Variants in ZNF92 observed in about 807,000 individuals in gnomAD.
ZNF92 encodes the protein zinc finger protein 92.
A neutral mutation model predicts 12.4 loss-of-function variants in ZNF92; 11 were observed. That is an observed-to-expected ratio of 0.89 (90% CI 0.56 to 1.47). ZNF92 has a LOEUF of 1.47. Among genes scored for constraint, ZNF92 ranks in the 40% most tolerant of loss-of-function variants. ZNF92 has a pLI of 0.00. For synonymous variants in ZNF92, 206 were observed against 228.6 expected, an observed-to-expected ratio of 0.90 and a Z score of 0.89; for missense variants, 622 against 681.0, an observed-to-expected ratio of 0.91 and a Z score of 0.96.
At chr7:65,393,244 T>C (rs1262731456) in intron 3 of ZNF92, among the ~76,000 whole-genome samples, 3 of 152,144 alleles carry the variant, frequency 2.0e-5, no homozygotes, top group Non-Finnish European at 2.9e-5. Context: ...TTAAGATATC[T>C]CATATAAGTG....
rs879163037 is a variant in ZNF92 at position 65,398,909 on chromosome 7, T to C, written c.795T>C (p.Ala265=). ...ACAAATGTGAAGAATGTGGCAAAGC[T>C]TTTAACCGGTCCTCAACCCTTACTA... ...KPYKCEECGK[A]FNRSSTLTKH... is the part of the protein sequence containing the mutation. The change falls in exon 4 of 4, where the codon GCT becomes GCC. Residue 265 remains alanine, a synonymous_variant. Transcript: ENST00000328747. 12 of 1,604,924 alleles carry C rather than the reference T, an allele frequency of 7.5e-6. No individual in the cohort carries two copies. Among genetic ancestry groups the C allele is most frequent in the Admixed American group, 3.4e-5 (2 of 59,084 alleles).
At chr7:65,394,937 T>C (rs1234586507) in intron 3 of ZNF92, among the ~76,000 whole-genome samples, 4 of 152,156 alleles carry the variant, frequency 2.6e-5, no homozygotes, top group African/African-American at 9.7e-5. Context: ...TGAGCCACTG[T>C]GCCTGGCCCA....
intron 3 of ZNF92, among the ~76,000 whole-genome samples, chr7:65,391,489 A>C (rs946749558): frequency 6.6e-6 from 1 of 152,150 alleles, no homozygotes; most frequent in Non-Finnish European, 1.5e-5. Flanking sequence ...TTACTAAAAT[A>C]GTTACTTATA....
intron 1 of ZNF92, among the ~76,000 whole-genome samples, chr7:65,375,457 C>T (rs1793213001): frequency 6.6e-6 from 1 of 151,980 alleles, no homozygotes; most frequent in South Asian, 2.1e-4. Context: ...AAAAGCTTAC[C>T]CCTTGAGATA....
intron 3 of ZNF92, among the ~76,000 whole-genome samples, chr7:65,392,144 G>A (rs1157706654): frequency 2.0e-5 from 3 of 151,982 alleles, no homozygotes; most frequent in Admixed American, 6.6e-5. Flanking sequence ...GATTATATAT[G>A]TGTGTGTTTT....
chr7:65,398,159 C>T (rs1186595620), intron 3 of ZNF92, among the ~76,000 whole-genome samples, 182 bp from the exon 4 acceptor site: 1 of 152,024 alleles, frequency 6.6e-6, no homozygotes, highest in Admixed American at 6.6e-5. Flanking sequence ...ATAGCTTTTC[C>T]ACAAATGTAT....
intron 2 of ZNF92, 54 bp downstream of exon 2, chr7:65,388,082 T>C: frequency 6.5e-7 from 1 of 1,529,182 alleles, no homozygotes; most frequent in Non-Finnish European, 8.8e-7. Flanking sequence ...TCATTTCTCC[T>C]CTTTGTAAAA....
In ZNF92 at chr7:65,385,485, A is replaced by G. The variant is rs537213564; in HGVS notation, c.4-2417A>G. Among the ~76,000 whole-genome samples, 9 of 152,272 alleles carry G rather than the reference A, an allele frequency of 5.9e-5. 1 individual carries two copies. The East Asian group carries it at 1.7e-3, about 29-fold the overall frequency. On this transcript the variant is annotated intron_variant, in intron 1 of 3. Transcript: ENST00000328747. ...CGTGAGTGTTAAGTTCTATCTTCGCACTAAAGGGTGGTCACAAGGCCTGTT... is the reference window on the plus strand; with the variant it reads ...CGTGAGTGTTAAGTTCTATCTTCGCGCTAAAGGGTGGTCACAAGGCCTGTT...
At chr7:65,386,626 T>G (rs905491611) in intron 1 of ZNF92, among the ~76,000 whole-genome samples, 6 of 152,064 alleles carry the variant, frequency 3.9e-5, no homozygotes, top group Non-Finnish European at 7.4e-5. Context: ...AGGAGATATA[T>G]GTTGTCTAGG....
At chr7:65,379,915 A>G (rs1210586329) in intron 1 of ZNF92, among the ~76,000 whole-genome samples, 2 of 152,030 alleles carry the variant, frequency 1.3e-5, no homozygotes, top group African/African-American at 4.8e-5. Context: ...GGATTGTTCT[A>G]TAGGTAAAAT....
At position 65,387,984 on chromosome 7, in the gene ZNF92, A is replaced by G; in HGVS notation, c.86A>G (p.Tyr29Cys). ...QCLDTAQRNL[Y>C]RDVMLENYRN... is the part of the protein sequence containing the mutation. The stretch of plus-strand genomic sequence containing the variant: ...CTGGACACTGCGCAGCGGAATTTAT[A>G]TAGAGATGTGATGTTAGAGAACTAC... The change falls in exon 2 of 4, where the codon TAT becomes TGT. Residue 29 changes from tyrosine to cysteine, a missense_variant. Coordinates refer to ENST00000328747, the MANE Select transcript of ZNF92 (RefSeq NM_152626.4). The G allele has an allele frequency of 6.2e-7, 1 of 1,609,482 alleles. No individual in the cohort carries two copies. The highest frequency in any genetic ancestry group is 8.5e-7 in the Non-Finnish European group (1 of 1,177,914).
In ZNF92 at chr7:65,398,381, C is replaced by A. The variant is rs771097234; in HGVS notation, c.267C>A (p.His89Gln). 7 of 1,594,660 alleles carry A rather than the reference C, an allele frequency of 4.4e-6. No homozygotes were observed. The East Asian group carries it at 1.6e-4, about 36-fold the overall frequency. Residue 89 changes from histidine to glutamine, a missense_variant, in exon 4 of 4, where the codon CAC (histidine) becomes CAA (glutamine). Transcript: ENST00000328747. ...TTGCCCAAGATGTTTGGCCAGAGCACAGCATAAAAGATTCTTTCCAAAAAG... is the reference window on the plus strand; with the variant it reads ...TTGCCCAAGATGTTTGGCCAGAGCAAAGCATAAAAGATTCTTTCCAAAAAG... ...SHFAQDVWPEHSIKDSFQKVI... is the reference protein window; with the variant it reads ...SHFAQDVWPEQSIKDSFQKVI...
At chr7:65,385,660 T>C (rs1388824463) in intron 1 of ZNF92, among the ~76,000 whole-genome samples, 1 of 151,506 alleles carries the variant, frequency 6.6e-6, no homozygotes, top group Non-Finnish European at 1.5e-5. Flanking sequence ...CCTGAATCTC[T>C]TCTGTTATAG....
At chr7:65,388,510 G>T (rs1327720778) in intron 2 of ZNF92, among the ~76,000 whole-genome samples, 1 of 151,706 alleles carries the variant, frequency 6.6e-6, no homozygotes, top group Non-Finnish European at 1.5e-5. Context: ...GTGTTGGTGG[G>T]CGCCTGTAAT....
intron 3 of ZNF92, among the ~76,000 whole-genome samples, chr7:65,397,180 G>C (rs115023258): frequency 6.6e-6 from 1 of 151,818 alleles, no homozygotes; most frequent in Non-Finnish European, 1.5e-5. Flanking sequence ...TGGTTATCTC[G>C]TAAGAGTATG....
chr7:65,376,113 C>G (rs1331357379), intron 1 of ZNF92, among the ~76,000 whole-genome samples: 4 of 151,814 alleles, frequency 2.6e-5, no homozygotes, highest in Non-Finnish European at 5.9e-5. Flanking sequence ...GGGTTTCACT[C>G]TGTTGCCCAG....
At chr7:65,385,796 TC>T (rs1793545242) in intron 1 of ZNF92, among the ~76,000 whole-genome samples, 1 of 151,994 alleles carries the variant, frequency 6.6e-6, no homozygotes, top group Non-Finnish European at 1.5e-5. Flanking sequence ...GTGTAATTTC[TC>T]CAGAGAATCA....
At chr7:65,382,551 A>C (rs1049616008) in intron 1 of ZNF92, among the ~76,000 whole-genome samples, 1 of 152,064 alleles carries the variant, frequency 6.6e-6, no homozygotes, top group African/African-American at 2.4e-5. Flanking sequence ...ACATCTAGAG[A>C]GGCTAGACCA....
intron 1 of ZNF92, among the ~76,000 whole-genome samples, chr7:65,375,311 G>A (rs1455139810): frequency 1.3e-5 from 2 of 151,996 alleles, no homozygotes; most frequent in Non-Finnish European, 1.5e-5. Flanking sequence ...TGGCAATGTC[G>A]CTAGAGTGTC....
Sources: allele counts gnomAD v4.1 joint callset (sites outside exome capture counted in the v4.1 genomes callset), GRCh38; gene constraint gnomAD v4.1.1; transcripts MANE v1.5; gene names NCBI Gene and HGNC (gene_info 2026-07-23, HGNC 2026-07-21).